Variants in ZNF487 observed in about 807,000 individuals in gnomAD.
ZNF487 encodes the protein zinc finger protein 487.
A neutral mutation model predicts 3.0 loss-of-function variants in ZNF487; 4 were observed. The ratio of observed to expected loss-of-function variants is 1.35; its 90% CI spans 0.66 to 3.08. ZNF487 has a LOEUF of 3.08. Ranked by LOEUF, ZNF487 falls within the 30% of genes most tolerant of loss-of-function variation. ZNF487 has a pLI of 0.01. For synonymous variants in ZNF487, 55 were observed against 34.6 expected, an observed-to-expected ratio of 1.59 and a Z score of -2.06; for missense variants, 146 against 98.7, an observed-to-expected ratio of 1.48 and a Z score of -2.03.
In ZNF487 at chr10:43,479,971, T is replaced by C. The variant is rs368802500; in HGVS notation, c.131-1458T>C. 6.0e-3 allele frequency among the ~76,000 whole-genome samples: 752 copies of C among 125,180 alleles called. 16 individuals are homozygous for C. The highest frequency in any genetic ancestry group is 0.028 in the South Asian group (106 of 3,782). The allele number at this position is 125,180 out of a possible 152,430, so 82.1% of individuals were successfully genotyped here. ...GCACCTGACTCTCTTTCTTTCTTTC[T>C]TTTCTTTCTTTCCTTCTTTCTTTCT... On this transcript the variant is annotated intron_variant, in intron 3 of 3. Transcript: ENST00000437590.
the ZNF487 span, among the ~76,000 whole-genome samples, chr10:43,492,397 G>A: frequency 6.6e-6 from 1 of 151,576 alleles, no homozygotes; most frequent in Non-Finnish European, 1.5e-5. Context: ...TTTCACATAG[G>A]TACTACCAGT....
Position 43,465,864 on chromosome 10 carries a change from C to T in ZNF487, c.-93-9857C>T, listed in dbSNP as rs935837500. On this transcript the variant is annotated intron_variant, in intron 1 of 3. Coordinates refer to ENST00000437590, the MANE Select transcript of ZNF487 (RefSeq NM_001355444.3). Reference sequence around the variant, plus strand: ...CTGGGATGTGGAGGTTGTAGCGAGCCGAGATCACGCCACTGCACTCCAGCC... The same window carrying T: ...CTGGGATGTGGAGGTTGTAGCGAGCTGAGATCACGCCACTGCACTCCAGCC... Among the ~76,000 whole-genome samples, 8 of 150,208 alleles carry T rather than the reference C, an allele frequency of 5.3e-5. No homozygotes were observed. The South Asian group carries it at 6.3e-4, about 12-fold the overall frequency.
At chr10:43,485,116 C>T (rs1841461395), downstream of ZNF487, among the ~76,000 whole-genome samples, 1 of 152,180 alleles carries the variant, frequency 6.6e-6, no homozygotes, top group Non-Finnish European at 1.5e-5. Context: ...TCTTTCCCAG[C>T]ATTACCTTTA....
At chr10:43,478,487 A>C (rs1841186403) in intron 3 of ZNF487, among the ~76,000 whole-genome samples, 1 of 152,118 alleles carries the variant, frequency 6.6e-6, no homozygotes. Flanking sequence ...CAGGAGGGGG[A>C]GGTTGTGGTA....
chr10:43,513,068 C>A, the ZNF487 span, among the ~76,000 whole-genome samples: 1 of 152,226 alleles, frequency 6.6e-6, no homozygotes, highest in Non-Finnish European at 1.5e-5. Flanking sequence ...ACTTCTTGCT[C>A]ACTGGATCCA....
At chr10:43,451,188 C>T (rs2265954) in intron 1 of ZNF487, among the ~76,000 whole-genome samples, 99,677 of 151,396 alleles carry the variant, frequency 0.66, 34,361 homozygotes, top group Non-Finnish European at 0.76. Context: ...TCAGGTGATA[C>T]GCTTGCCTCG....
the ZNF487 span, among the ~76,000 whole-genome samples, chr10:43,506,720 G>C: frequency 1.3e-5 from 2 of 152,078 alleles, no homozygotes; most frequent in Admixed American, 1.3e-4. Flanking sequence ...CTGTGGTCTT[G>C]CCTGTTGCAG....
At chr10:43,513,287 C>T in the ZNF487 span, among the ~76,000 whole-genome samples, 1 of 152,224 alleles carries the variant, frequency 6.6e-6, no homozygotes, top group African/African-American at 2.4e-5. Flanking sequence ...TTTGGTGGGC[C>T]TTATGGACAG....
Position 43,463,961 on chromosome 10 carries a change from C to T in ZNF487, c.-93-11760C>T, listed in dbSNP as rs141356460. On this transcript the variant is annotated intron_variant, in intron 1 of 3. Coordinates refer to ENST00000437590, the MANE Select transcript of ZNF487 (RefSeq NM_001355444.3). The stretch of plus-strand genomic sequence containing the variant: ...CTCCCTTTCCTCTGGCCTCCCTATT[C>T]CTTGAGACACAACAATATTGAAATT... Among the ~76,000 whole-genome samples the T allele has an allele frequency of 9.3e-4, 141 of 152,054 alleles. 1 individual carries two copies. Among genetic ancestry groups the T allele is most frequent in the African/African-American group, 3.3e-3 (135 of 41,496 alleles).
chr10:43,478,326 G>A (rs1030939624), intron 3 of ZNF487, among the ~76,000 whole-genome samples: 6 of 152,300 alleles, frequency 3.9e-5, no homozygotes, highest in Admixed American at 6.5e-5. Flanking sequence ...AGGCCAAGGC[G>A]TGTGGATCAC....
At chr10:43,505,296 T>G in the ZNF487 span, among the ~76,000 whole-genome samples, 1 of 152,140 alleles carries the variant, frequency 6.6e-6, no homozygotes, top group Admixed American at 6.5e-5. Flanking sequence ...CATTTTTTTT[T>G]TTGTTTGAGA....
chr10:43,473,860 TC>T (rs973723570), intron 1 of ZNF487, among the ~76,000 whole-genome samples: 6 of 151,830 alleles, frequency 4.0e-5, no homozygotes, highest in African/African-American at 1.5e-4. Flanking sequence ...ACCCCATTTC[TC>T]CAAAAATTTA....
chr10:43,502,316 G>A, the ZNF487 span, among the ~76,000 whole-genome samples: 2 of 152,198 alleles, frequency 1.3e-5, no homozygotes, highest in African/African-American at 4.8e-5. Context: ...CTCACTCACA[G>A]GTGGGAATTG....
intron 1 of ZNF487, among the ~76,000 whole-genome samples, chr10:43,467,683 G>T (rs996024260): frequency 7.9e-5 from 12 of 151,752 alleles, no homozygotes; most frequent in African/African-American, 2.7e-4. Context: ...TGGGTGTGGT[G>T]GTGCATACCT....
At chr10:43,493,245 A>G in the ZNF487 span, among the ~76,000 whole-genome samples, 3 of 152,088 alleles carry the variant, frequency 2.0e-5, no homozygotes, top group African/African-American at 7.2e-5. Flanking sequence ...ACAAACAAAC[A>G]AACAACAACA....
intron 1 of ZNF487, among the ~76,000 whole-genome samples, chr10:43,448,280 T>C (rs1316169542): frequency 6.6e-6 from 1 of 151,846 alleles, no homozygotes; most frequent in East Asian, 1.9e-4. Context: ...TGAGCCACCA[T>C]GCCTGGCCAA....
rs112526281 is a variant in ZNF487 at position 43,458,468 on chromosome 10, C to G, written c.-93-17253C>G. Among the ~76,000 whole-genome samples, 893 of 152,254 alleles carry G rather than the reference C, an allele frequency of 5.9e-3. 6 individuals carry two copies. Among genetic ancestry groups the G allele is most frequent in the African/African-American group, 0.021 (852 of 41,546 alleles). ...TCAGCTTTGCATTTATCTTAGTGAG[C>G]AGAGGGGTAACTTTAAATAGAGTGA... On this transcript the variant is annotated intron_variant, in intron 1 of 3. Coordinates refer to ENST00000437590, the MANE Select transcript of ZNF487 (RefSeq NM_001355444.3).
chr10:43,471,130 A>G (rs1321017683), intron 1 of ZNF487, among the ~76,000 whole-genome samples: 1 of 152,108 alleles, frequency 6.6e-6, no homozygotes. Flanking sequence ...ATTGTGATGC[A>G]GGATTTTTCT....
the ZNF487 span, among the ~76,000 whole-genome samples, chr10:43,507,294 G>A: frequency 6.6e-6 from 1 of 152,132 alleles, no homozygotes; most frequent in Admixed American, 6.6e-5. Flanking sequence ...TTGTGATTGT[G>A]CACCCACCCC....
Sources: allele counts gnomAD v4.1 joint callset (sites outside exome capture counted in the v4.1 genomes callset), GRCh38; gene constraint gnomAD v4.1.1; transcripts MANE v1.5; gene names NCBI Gene and HGNC (gene_info 2026-07-23, HGNC 2026-07-21).